PPP6R2: variants seen among roughly 807,000 people sequenced by gnomAD.
The protein encoded by PPP6R2 is serine/threonine-protein phosphatase 6 regulatory subunit 2.
Under a neutral mutation model 100.2 loss-of-function variants are expected in PPP6R2, and 62 were observed. The observed-to-expected ratio is 0.62, with a 90% CI of 0.50 to 0.76. The LOEUF (loss-of-function observed/expected upper bound fraction) is 0.76, where lower values mean the gene tolerates loss of function less well. Ranked by LOEUF, PPP6R2 falls within the 30% of genes least tolerant of loss-of-function variation. The pLI is 0.00. For synonymous variants in PPP6R2, 525 were observed against 514.7 expected (o/e 1.02, Z -0.27); for missense variants, 1,142 against 1,276.3 (o/e 0.89, Z 1.60).
intron 8 of PPP6R2, among the ~76,000 whole-genome samples, 174 bp downstream of exon 8, chr22:50,419,636 C>T (rs2061032944): frequency 6.6e-6 from 1 of 152,180 alleles, no homozygotes; most frequent in Non-Finnish European, 1.5e-5. Flanking sequence ...TGGCCAAGTC[C>T]CCTTAGACCC....
intron 10 of PPP6R2, among the ~76,000 whole-genome samples, chr22:50,426,417 A>G (rs1220363337): frequency 2.0e-5 from 3 of 152,154 alleles, no homozygotes; most frequent in Non-Finnish European, 1.5e-5. Flanking sequence ...AAAAAGTTGT[A>G]TGTTTTCTCT....
upstream of PPP6R2, among the ~76,000 whole-genome samples, chr22:50,339,785 TGTGGTGTGTGTGG>T (rs2042349602): frequency 9.0e-6 from 1 of 111,074 alleles, no homozygotes; most frequent in Non-Finnish European, 1.7e-5. Context: ...GTGGTGTGTG[TGTGGTGTGTGTGG>T]GGTATGTGTG....
At position 50,352,824 on chromosome 22, in the gene PPP6R2, T is replaced by C. The variant is rs568367636; in HGVS notation, c.-148+9274T>C. 1.3e-4 allele frequency among the ~76,000 whole-genome samples: 20 copies of C among 152,110 alleles called. No homozygotes were observed. The South Asian group carries it at 4.1e-3, about 32-fold the overall frequency. On this transcript the variant is annotated intron_variant, in intron 1 of 23. Transcript: ENST00000612753. ...GCGCACACCTCTAATCCCAGCACTT[T>C]GGGAGGCTGAGTGGGGAGGATCGCT...
intron 22 of PPP6R2, among the ~76,000 whole-genome samples, chr22:50,442,904 C>T (rs935038662): frequency 6.6e-6 from 1 of 151,390 alleles, no homozygotes; most frequent in African/African-American, 2.4e-5. Context: ...GTGGCTCACG[C>T]CTGTAATCCC....
At chr22:50,355,850 A>C (rs1275563682) in intron 1 of PPP6R2, among the ~76,000 whole-genome samples, 1 of 151,598 alleles carries the variant, frequency 6.6e-6, no homozygotes, top group Non-Finnish European at 1.5e-5. Context: ...GGAAAAAAAA[A>C]AACCAAAAAA....
intron 1 of PPP6R2, among the ~76,000 whole-genome samples, chr22:50,363,762 T>C (rs1265010508): frequency 1.3e-5 from 2 of 152,200 alleles, no homozygotes; most frequent in East Asian, 3.8e-4. Flanking sequence ...CAGGATCCAG[T>C]CTCTGCTGTT....
At chr22:50,441,101 G>A in intron 22 of PPP6R2, 75 bp downstream of exon 22, 1 of 1,274,908 alleles carries the variant, frequency 7.8e-7, no homozygotes. Flanking sequence ...CCAGGTCTCA[G>A]CTCCCCTGAG....
Position 50,368,381 on chromosome 22 carries a change from G to A in PPP6R2, c.-147-3639G>A, listed in dbSNP as rs143713121. ...CCACTAGACCAAGGAGTCCTTTAGT[G>A]GCCCTGTCTGGGCGTGACAGAAGGC... On this transcript the variant is annotated intron_variant, in intron 1 of 23. Transcript: ENST00000612753. Among the ~76,000 whole-genome samples, 202 of 152,250 alleles carry A rather than the reference G, an allele frequency of 1.3e-3. 2 individuals carry two copies. Among genetic ancestry groups the A allele is most frequent in the South Asian group, 8.1e-3 (39 of 4,828 alleles).
At chr22:50,378,895 A>AT (rs1360464683) in intron 2 of PPP6R2, among the ~76,000 whole-genome samples, 1 of 151,932 alleles carries the variant, frequency 6.6e-6, no homozygotes, top group African/African-American at 2.4e-5. Flanking sequence ...AAAAAAAAAA[A>AT]AAAAAGGTGA....
chr22:50,394,216 G>T (rs2056242579), intron 3 of PPP6R2, 81 bp downstream of exon 3: 1 of 1,558,752 alleles, frequency 6.4e-7, no homozygotes. Flanking sequence ...GATGGCCATA[G>T]TTGGGGATTT....
intron 12 of PPP6R2, among the ~76,000 whole-genome samples, chr22:50,433,360 G>A (rs2148167610): frequency 1.0e-5 from 1 of 97,754 alleles, no homozygotes; most frequent in Non-Finnish European, 2.1e-5. Flanking sequence ...CTGGGGGCGC[G>A]GACGCTGGGC....
At chr22:50,411,762 A>G (rs1466044151) in intron 4 of PPP6R2, among the ~76,000 whole-genome samples, 2 of 149,024 alleles carry the variant, frequency 1.3e-5, no homozygotes, top group African/African-American at 5.0e-5. Context: ...AAACAAAAAC[A>G]AGGCCTGGCG....
chr22:50,396,473 C>T (rs1262842467), intron 3 of PPP6R2, among the ~76,000 whole-genome samples: 3 of 144,334 alleles, frequency 2.1e-5, no homozygotes, highest in East Asian at 2.0e-4. Context: ...CCAGCCTGGG[C>T]GACAGAGTGA....
chr22:50,393,768 G>A (rs2056147792), intron 2 of PPP6R2, 125 bp from the exon 3 acceptor site: 2 of 1,509,692 alleles, frequency 1.3e-6, no homozygotes, highest in Admixed American at 4.2e-5. Flanking sequence ...CCAGGACTTG[G>A]GTCTAGTGTT....
intron 1 of PPP6R2, among the ~76,000 whole-genome samples, chr22:50,371,696 G>T (rs185306031): frequency 2.0e-5 from 3 of 152,022 alleles, no homozygotes; most frequent in Non-Finnish European, 4.4e-5. Flanking sequence ...CTGGAGTGCA[G>T]TGGCATGATC....
chr22:50,365,133 G>T (rs962541254), intron 1 of PPP6R2, among the ~76,000 whole-genome samples: 1 of 147,932 alleles, frequency 6.8e-6, no homozygotes, highest in Non-Finnish European at 1.5e-5. Context: ...TTGTAATGGC[G>T]CAATCTCGGC....
At chr22:50,350,173 A>T (rs1308371550) in intron 1 of PPP6R2, among the ~76,000 whole-genome samples, 2 of 152,100 alleles carry the variant, frequency 1.3e-5, no homozygotes, top group African/African-American at 4.8e-5. Context: ...GCAGCTCCTT[A>T]TCTGTTTTAT....
upstream of PPP6R2, among the ~76,000 whole-genome samples, chr22:50,338,565 GTGTGTT>G (rs1465048722): frequency 3.6e-5 from 4 of 110,488 alleles, no homozygotes; most frequent in Non-Finnish European, 5.2e-5. Flanking sequence ...TATGTAGTGT[GTGTGTT>G]TGGTGTGGTG....
intron 7 of PPP6R2, among the ~76,000 whole-genome samples, 185 bp downstream of exon 7, chr22:50,419,164 C>T (rs1354552902): frequency 6.6e-6 from 1 of 152,216 alleles, no homozygotes; most frequent in Non-Finnish European, 1.5e-5. Context: ...CCAGAGGAGT[C>T]ACCTGGTGGG....
Sources: allele counts gnomAD v4.1 joint callset (sites outside exome capture counted in the v4.1 genomes callset), GRCh38; gene constraint gnomAD v4.1.1; transcripts MANE v1.5; gene names NCBI Gene and HGNC (gene_info 2026-07-23, HGNC 2026-07-21).